The following TMEM232 variants were observed in gnomAD, a reference collection of about 807,000 sequenced individuals.
The protein encoded by TMEM232 is transmembrane protein 232.
Under a neutral mutation model 78.8 loss-of-function variants are expected in TMEM232, and 80 were observed. That is an observed-to-expected ratio of 1.01 (90% confidence interval 0.85 to 1.22). TMEM232 has a LOEUF of 1.22. Ranked by LOEUF, TMEM232 falls within the 50% of genes most tolerant of loss-of-function variation. The probability of loss-of-function intolerance (pLI) is 0.00; values close to 1 mark genes in which losing one functional copy is unlikely to be tolerated. For synonymous variants in TMEM232, 297 were observed against 254.3 expected, an observed-to-expected ratio of 1.17 and a Z score of -1.60; for missense variants, 881 against 742.2, an observed-to-expected ratio of 1.19 and a Z score of -2.17.
chr5:110,565,303 T>C (rs974641107), intron 11 of TMEM232, among the ~76,000 whole-genome samples: 1 of 151,944 alleles, frequency 6.6e-6, no homozygotes, highest in African/African-American at 2.4e-5. Context: ...AATTTAGTCA[T>C]CATAACAAGC....
intron 1 of TMEM232, among the ~76,000 whole-genome samples, chr5:110,689,149 A>C (rs900677168): frequency 6.6e-6 from 1 of 152,098 alleles, no homozygotes; most frequent in Non-Finnish European, 1.5e-5. Flanking sequence ...TTGGCAAATA[A>C]ATCTCCAAAA....
intron 1 of TMEM232, among the ~76,000 whole-genome samples, chr5:110,679,874 T>TTTACATTTA (rs1162523963): frequency 6.6e-6 from 1 of 152,212 alleles, no homozygotes; most frequent in Non-Finnish European, 1.5e-5. Flanking sequence ...TTTTTGGCTG[T>TTTACATTTA]CTTTTTATTT....
intron 12 of TMEM232, among the ~76,000 whole-genome samples, chr5:110,484,419 A>C (rs1198360892): frequency 1.3e-5 from 2 of 152,166 alleles, no homozygotes; most frequent in African/African-American, 4.8e-5. Context: ...AAAGAGGAAC[A>C]AAAAGACATA....
At chr5:110,409,317 G>A (rs1755906419) in intron 2 of TMEM232, among the ~76,000 whole-genome samples, 1 of 152,064 alleles carries the variant, frequency 6.6e-6, no homozygotes, top group African/African-American at 2.4e-5. Flanking sequence ...AACTTATATG[G>A]AGCCAACAAT....
intron 10 of TMEM232, among the ~76,000 whole-genome samples, chr5:110,574,851 C>G (rs906974184): frequency 1.3e-5 from 2 of 152,052 alleles, no homozygotes; most frequent in African/African-American, 4.8e-5. Flanking sequence ...CACATATAAA[C>G]CATAACCCTG....
chr5:110,578,274 T>C (rs527954780), intron 10 of TMEM232, among the ~76,000 whole-genome samples: 1 of 152,052 alleles, frequency 6.6e-6, no homozygotes, highest in South Asian at 2.1e-4. Flanking sequence ...TATAAGTAGA[T>C]AATTCTCACA....
At chr5:110,585,618 C>T (rs945152696) in intron 10 of TMEM232, among the ~76,000 whole-genome samples, 1 of 151,958 alleles carries the variant, frequency 6.6e-6, no homozygotes, top group African/African-American at 2.4e-5. Context: ...TCTTCCCTCA[C>T]CTCATATTTA....
intron 12 of TMEM232, among the ~76,000 whole-genome samples, chr5:110,427,456 G>A (rs911246881): frequency 3.9e-5 from 6 of 152,012 alleles, no homozygotes; most frequent in East Asian, 1.9e-4. Flanking sequence ...AATTTTGTCG[G>A]CATTAAATGA....
At chr5:110,469,382 C>T (rs79367581) in intron 12 of TMEM232, among the ~76,000 whole-genome samples, 9 of 152,160 alleles carry the variant, frequency 5.9e-5, no homozygotes, top group African/African-American at 9.7e-5. Context: ...CTACCAAATG[C>T]GGCCAAGCAC....
At chr5:110,730,125 T>C (rs1346722109), upstream of TMEM232, among the ~76,000 whole-genome samples, 1 of 152,202 alleles carries the variant, frequency 6.6e-6, no homozygotes, top group African/African-American at 2.4e-5. Context: ...TATATTTTCT[T>C]CAATCATATT....
intron 12 of TMEM232, among the ~76,000 whole-genome samples, chr5:110,511,444 T>A (rs1369088935): frequency 3.4e-5 from 5 of 146,072 alleles, no homozygotes; most frequent in African/African-American, 1.3e-4. Flanking sequence ...AAGTATAATT[T>A]AAAAAAAAAA....
chr5:110,472,078 T>C (rs143664234), intron 12 of TMEM232, among the ~76,000 whole-genome samples: 112 of 151,992 alleles, frequency 7.4e-4, no homozygotes, highest in African/African-American at 2.6e-3. Context: ...GGAAAGAAAA[T>C]GCATCCACAT....
chr5:110,689,678 G>A (rs1009431026), intron 1 of TMEM232, among the ~76,000 whole-genome samples: 1 of 152,088 alleles, frequency 6.6e-6, no homozygotes, highest in Non-Finnish European at 1.5e-5. Flanking sequence ...ATATAGCCAA[G>A]ACAATCCTAA....
intron 12 of TMEM232, among the ~76,000 whole-genome samples, chr5:110,433,640 AT>A (rs1236591290): frequency 6.6e-6 from 1 of 152,018 alleles, no homozygotes; most frequent in Admixed American, 6.6e-5. Context: ...GTTTTGAAGG[AT>A]GTTCCTTTGA....
intron 8 of TMEM232, among the ~76,000 whole-genome samples, chr5:110,608,713 C>T (rs1001409378): frequency 3.3e-5 from 5 of 151,912 alleles, no homozygotes; most frequent in African/African-American, 2.4e-5. Context: ...AAAATGCTTT[C>T]GTCAAAAACA....
intron 12 of TMEM232, among the ~76,000 whole-genome samples, chr5:110,526,330 G>A (rs112212688): frequency 7.0e-4 from 105 of 150,972 alleles, no homozygotes; most frequent in African/African-American, 2.3e-3. Flanking sequence ...ACAGAGAGTC[G>A]CATAGATTAA....
intron 11 of TMEM232, among the ~76,000 whole-genome samples, chr5:110,555,684 G>A (rs1774992576): frequency 1.3e-5 from 2 of 152,126 alleles, no homozygotes; most frequent in Non-Finnish European, 2.9e-5. Flanking sequence ...GTGCAAGAGT[G>A]TTGGGTAAAT....
At chr5:110,709,863 GAAGAA>G (rs1796296436) in intron 1 of TMEM232, among the ~76,000 whole-genome samples, 1 of 151,820 alleles carries the variant, frequency 6.6e-6, no homozygotes, top group Admixed American at 6.6e-5. Context: ...AAAATTAGTA[GAAGAA>G]AAGAAATGAG....
chr5:110,544,516 C>T (rs1485768551), intron 11 of TMEM232, among the ~76,000 whole-genome samples: 1 of 145,766 alleles, frequency 6.9e-6, no homozygotes, highest in Non-Finnish European at 1.5e-5. Context: ...GCAAACACAA[C>T]AAAATTTGAG....
Sources: allele counts gnomAD v4.1 joint callset (sites outside exome capture counted in the v4.1 genomes callset), GRCh38; gene constraint gnomAD v4.1.1; transcripts MANE v1.5; gene names NCBI Gene and HGNC (gene_info 2026-07-23, HGNC 2026-07-21).